Variants in PATZ1 observed in about 807,000 individuals in gnomAD.
PATZ1 encodes the protein POZ/BTB and AT hook containing zinc finger 1, also known as POZ-, AT hook-, and zinc finger-containing protein 1.
Under a neutral mutation model 46.2 loss-of-function variants are expected in PATZ1, and 9 were observed. That is an observed-to-expected ratio of 0.19 (90% CI 0.12 to 0.34). The LOEUF (loss-of-function observed/expected upper bound fraction) is 0.34. PATZ1 is among the 10% of genes least tolerant of loss of function. The pLI, the probability that PATZ1 is intolerant of heterozygous loss-of-function variation, is 1.00. For missense variants in PATZ1, 632 were observed against 923.0 expected, an observed-to-expected ratio of 0.68 and a Z score of 4.08; for synonymous variants, 426 against 378.6, an observed-to-expected ratio of 1.13 and a Z score of -1.45.
chr22:31,341,166 A>G (rs1053739488), intron 2 of PATZ1: 40 of 1,221,108 alleles, frequency 3.3e-5, no homozygotes, highest in Admixed American at 3.9e-5. Context: ...CATCTGTGAA[A>G]GGGGGGAAAA....
At chr22:31,340,500 C>G (rs2049566823) in intron 2 of PATZ1, among the ~76,000 whole-genome samples, 1 of 152,158 alleles carries the variant, frequency 6.6e-6, no homozygotes, top group African/African-American at 2.4e-5. Context: ...AGAGAGCCAG[C>G]ATGTCTTCAC....
chr22:31,342,707 T>C (rs539209790), intron 2 of PATZ1, among the ~76,000 whole-genome samples, 190 bp downstream of exon 2: 10 of 151,874 alleles, frequency 6.6e-5, no homozygotes, highest in Non-Finnish European at 1.0e-4. Context: ...GAACGTCAGC[T>C]GTGGGGGAAG....
intron 3 of PATZ1, 88 bp downstream of exon 3, chr22:31,335,604 T>A: frequency 7.8e-7 from 1 of 1,280,626 alleles, no homozygotes; most frequent in South Asian, 1.4e-5. Context: ...AAGAGTGGAG[T>A]CTGAGGCAGG....
chr22:31,342,546 C>T (rs566772493), intron 2 of PATZ1, among the ~76,000 whole-genome samples: 1 of 152,196 alleles, frequency 6.6e-6, no homozygotes, highest in African/African-American at 2.4e-5. Context: ...AACCAACAGT[C>T]AGGCCCAGCG....
At chr22:31,340,975 G>C in intron 2 of PATZ1, 1 of 1,071,766 alleles carries the variant, frequency 9.3e-7, no homozygotes, top group Non-Finnish European at 1.1e-6. Flanking sequence ...AATTGTGCCA[G>C]TCTTCTCTGG....
chr22:31,340,445 C>T (rs1198757493), intron 2 of PATZ1, among the ~76,000 whole-genome samples: 1 of 152,228 alleles, frequency 6.6e-6, no homozygotes, highest in African/African-American at 2.4e-5. Flanking sequence ...GGTGCCCCTG[C>T]TGTTTAACCA....
chr22:31,341,166 A>AG, intron 2 of PATZ1: 1 of 1,221,226 alleles, frequency 8.2e-7, no homozygotes, highest in Non-Finnish European at 1.0e-6. Flanking sequence ...CATCTGTGAA[A>AG]GGGGGGAAAA....
rs747254331 is a variant in PATZ1, at chr22:31,327,622, C to T, written c.1646-313G>A. Among the ~76,000 whole-genome samples the T allele has an allele frequency of 2.2e-4, 33 of 152,166 alleles. No homozygotes were observed. The highest frequency in any genetic ancestry group is 3.8e-4 in the Non-Finnish European group (26 of 68,028). On this transcript the variant is annotated intron_variant, in intron 4 of 4. Coordinates refer to ENST00000266269, the MANE Select transcript of PATZ1 (RefSeq NM_014323.3). The surrounding 1 kb of genome is among the most constrained non-coding windows in gnomAD (Gnocchi z 4.2). ...AGAGAGGGCAACTCTGCTACAGCTGCCCAGAACAACTCAAAGACCCCCAAC... is the reference window on the plus strand; with the variant it reads ...AGAGAGGGCAACTCTGCTACAGCTGTCCAGAACAACTCAAAGACCCCCAAC...
At position 31,326,353 on chromosome 22, in the gene PATZ1, CA is replaced by C. The variant is rs1467835015; in HGVS notation, c.*537del. The C allele has an allele frequency of 3.0e-5, 7 of 231,002 alleles. No individual in the cohort carries two copies. Among genetic ancestry groups the C allele is most frequent in the Non-Finnish European group, 6.0e-5 (7 of 116,844 alleles). The allele number at this position is 231,002 out of a possible 1,614,324, so 14.3% of individuals were successfully genotyped here. ...AGCCCTCCAGGCAGAGGGCTGAGCT[CA>C]GGGGGCTCTTGGAGGACACTCACCC... On this transcript the variant is annotated 3_prime_UTR_variant, in exon 5 of 5. Transcript: ENST00000266269.
intron 3 of PATZ1, among the ~76,000 whole-genome samples, chr22:31,332,740 G>A (rs1175858449): frequency 1.3e-5 from 2 of 152,248 alleles, no homozygotes; most frequent in Non-Finnish European, 2.9e-5. Context: ...ATCCACTTGT[G>A]TGCTTACCTC....
intron 2 of PATZ1, 96 bp downstream of exon 2, chr22:31,342,801 C>G: frequency 7.2e-7 from 1 of 1,380,646 alleles, no homozygotes; most frequent in Non-Finnish European, 1.0e-6. Context: ...GGGCGGTCAG[C>G]CGGGCCCCCG....
chr22:31,336,928 T>G (rs11704070), intron 2 of PATZ1, among the ~76,000 whole-genome samples: 1 of 150,130 alleles, frequency 6.7e-6, no homozygotes, highest in East Asian at 2.0e-4. Context: ...GCTAACACGG[T>G]GAAACTCGGT....
chr22:31,340,404 A>G (rs1418265987), intron 2 of PATZ1, among the ~76,000 whole-genome samples: 11 of 152,120 alleles, frequency 7.2e-5, no homozygotes, highest in Admixed American at 7.2e-4. Flanking sequence ...TTCACCTCTT[A>G]TGTTTTCAGC....
chr22:31,341,960 G>A (rs894505123), intron 2 of PATZ1, among the ~76,000 whole-genome samples: 2 of 152,116 alleles, frequency 1.3e-5, no homozygotes, highest in Non-Finnish European at 2.9e-5. Context: ...CCCTACTTAC[G>A]GCACATTCAT....
At chr22:31,343,032 G>A in intron 1 of PATZ1, 72 bp from the exon 2 acceptor site, 8 of 1,606,060 alleles carry the variant, frequency 5.0e-6, no homozygotes, top group South Asian at 3.3e-5. Context: ...ATATGCATAC[G>A]TGTGTACACA....
At chr22:31,339,843 T>C (rs768806815) in intron 2 of PATZ1, among the ~76,000 whole-genome samples, 13 of 152,152 alleles carry the variant, frequency 8.5e-5, no homozygotes, top group Non-Finnish European at 1.3e-4. Flanking sequence ...GGGGCCCAAG[T>C]GGTACCAAGG....
chr22:31,341,653 G>A (rs1428278732), intron 2 of PATZ1: 12 of 1,613,120 alleles, frequency 7.4e-6, no homozygotes, highest in Non-Finnish European at 8.5e-7. Context: ...GGTTCCAGGG[G>A]CGGCAGGCCG....
At chr22:31,339,844 G>A (rs111876042) in intron 2 of PATZ1, among the ~76,000 whole-genome samples, 83 of 152,246 alleles carry the variant, frequency 5.5e-4, no homozygotes, top group African/African-American at 1.7e-3. Flanking sequence ...GGGCCCAAGT[G>A]GTACCAAGGG....
intron 2 of PATZ1, 40 bp downstream of exon 2, chr22:31,342,857 C>A: frequency 6.2e-7 from 1 of 1,610,010 alleles, no homozygotes; most frequent in South Asian, 1.1e-5. Context: ...AGAACAGCAT[C>A]ATCTCCTTCA....
Sources: allele counts gnomAD v4.1 joint callset (sites outside exome capture counted in the v4.1 genomes callset), GRCh38; gene constraint gnomAD v4.1.1; non-coding constraint Gnocchi (gnomAD v3.1); transcripts MANE v1.5; gene names NCBI Gene and HGNC (gene_info 2026-07-23, HGNC 2026-07-21).